The following RASAL2 variants were observed in gnomAD, a reference collection of about 807,000 sequenced individuals.
RASAL2 encodes the protein ras GTPase-activating protein nGAP.
A neutral mutation model predicts 128.9 loss-of-function variants in RASAL2; 58 were observed. That is an observed-to-expected ratio of 0.45 (90% confidence interval 0.36 to 0.56). RASAL2 has a LOEUF of 0.56. Ranked by LOEUF, RASAL2 falls within the 20% of genes least tolerant of loss-of-function variation. The probability of loss-of-function intolerance (pLI) is 0.00; values close to 1 mark genes in which losing one functional copy is unlikely to be tolerated. For missense variants in RASAL2, 1,360 were observed against 1,601.6 expected (o/e 0.85, Z 2.57); for synonymous variants, 561 against 580.8 (o/e 0.97, Z 0.49).
In RASAL2 at chr1:178,458,178, C is replaced by T. The variant is rs1572112167; in HGVS notation, c.2886C>T (p.Phe962=). Residue 962 remains phenylalanine (F), a synonymous_variant, in exon 14 of 18, where the codon TTC becomes TTT. Coordinates refer to ENST00000367649, the MANE Select transcript of RASAL2 (RefSeq NM_170692.4). The stretch of plus-strand genomic sequence containing the variant: ...GAAGCCAAAGTAACAGTGAAGACTT[C>T]AAGCTCAGTGGACCCAGCAATAGCA... The part of the protein sequence containing the change: ...SSRSQSNSED[F]KLSGPSNSSM... 4 of 1,614,238 alleles carry T rather than the reference C, an allele frequency of 2.5e-6. No homozygotes were observed. The highest frequency in any genetic ancestry group is 3.4e-6 in the Non-Finnish European group (4 of 1,180,054).
chr1:178,268,667 C>T (rs1245035875), intron 1 of RASAL2, among the ~76,000 whole-genome samples: 1 of 152,078 alleles, frequency 6.6e-6, no homozygotes, highest in Admixed American at 6.6e-5. Context: ...CTCCTTTGTC[C>T]AGGCTGAACC....
At chr1:178,107,248 A>G (rs1659124480) in intron 1 of RASAL2, among the ~76,000 whole-genome samples, 2 of 152,134 alleles carry the variant, frequency 1.3e-5, no homozygotes, top group South Asian at 4.1e-4. Flanking sequence ...TGAAGTTCAC[A>G]TTTACTGTTT....
chr1:178,407,843 C>T (rs1294864630), intron 4 of RASAL2, among the ~76,000 whole-genome samples: 3 of 152,228 alleles, frequency 2.0e-5, no homozygotes, highest in African/African-American at 7.2e-5. Flanking sequence ...ATTACCCCCA[C>T]GGAGGCTTCT....
rs1648851279 is a variant in RASAL2, at chr1:178,478,791, C to T, written c.*5552C>T. ...TCTTGTACATGTACAGATATAGATA[C>T]GTTTGAGGTCTTTTATTGATATTCC... On this transcript the variant is annotated 3_prime_UTR_variant, in exon 18 of 18. Transcript: ENST00000367649. The T allele has an allele frequency of 6.6e-6, 1 of 152,084 alleles. No homozygotes were observed. The highest frequency in any genetic ancestry group is 1.5e-5 in the Non-Finnish European group (1 of 68,000). 9.4% of individuals were successfully genotyped at this position (152,084 alleles called of 1,614,324 possible).
rs1648501030 is a variant in RASAL2 at position 178,473,936 on chromosome 1, G to C, written c.*697G>C. The C allele has an allele frequency of 6.6e-6, 1 of 152,322 alleles. No homozygotes were observed. The highest frequency in any genetic ancestry group is 2.4e-5 in the African/African-American group (1 of 41,444). 9.4% of individuals were successfully genotyped at this position (152,322 alleles called of 1,614,324 possible). A position where few individuals can be genotyped will look rare whatever the true frequency, so the allele number is the denominator to read the frequency against. On this transcript the variant is annotated 3_prime_UTR_variant, in exon 18 of 18. Transcript: ENST00000367649. The stretch of plus-strand genomic sequence containing the variant: ...TAGGAGTAATTTCTATTGAACTCCT[G>C]TCAATATGTTTATTTCCTCTGTCTA...
At chr1:178,445,762 T>G in intron 9 of RASAL2, 100 bp downstream of exon 9, 1 of 1,251,260 alleles carries the variant, frequency 8.0e-7, no homozygotes, top group Non-Finnish European at 1.1e-6. Flanking sequence ...GCATGTTATT[T>G]AGTTCTAGCT....
intron 1 of RASAL2, among the ~76,000 whole-genome samples, chr1:178,125,931 G>C (rs1253566013): frequency 6.6e-6 from 1 of 152,168 alleles, no homozygotes; most frequent in Non-Finnish European, 1.5e-5. Flanking sequence ...GCAGATACTT[G>C]GACACCTACC....
At chr1:178,309,263 TG>T (rs2102296965) in intron 3 of RASAL2, among the ~76,000 whole-genome samples, 1 of 152,266 alleles carries the variant, frequency 6.6e-6, no homozygotes, top group East Asian at 1.9e-4. Flanking sequence ...TAAAATGTCA[TG>T]TCTTATTCCT....
chr1:178,427,940 A>G (rs1456765637), intron 5 of RASAL2, among the ~76,000 whole-genome samples: 1 of 152,030 alleles, frequency 6.6e-6, no homozygotes, highest in Non-Finnish European at 1.5e-5. Context: ...CACACCTATC[A>G]CATCCCTTAA....
Position 178,442,837 on chromosome 1 carries a change from T to G in RASAL2, c.1090T>G (p.Phe364Val). Reference sequence around the variant, plus strand: ...AGACAATATTTTCTGGGGCGAACATTTTGAATTCTTCAGCCTTCCACCTCT... The same window carrying G: ...AGACAATATTTTCTGGGGCGAACATGTTGAATTCTTCAGCCTTCCACCTCT... ...KADNIFWGEH[F>V]EFFSLPPLHS... The change falls in exon 8 of 18, where the codon TTT becomes GTT. Residue 364 changes from phenylalanine (F) to valine (V), a missense_variant. Phe to Val is a conservative substitution (Grantham distance 50). Around this residue, in one of 3 missense-constraint regions of RASAL2, gnomAD observed 617 missense variants for 714.2 expected, o/e 0.86. Coordinates refer to ENST00000367649, the MANE Select transcript of RASAL2 (RefSeq NM_170692.4). 6.2e-7 allele frequency: 1 copy of G among 1,614,006 alleles called. No homozygotes were observed. Among genetic ancestry groups the G allele is most frequent in the Non-Finnish European group, 8.5e-7 (1 of 1,179,958 alleles).
At chr1:178,301,437 C>CTT (rs896455309) in intron 3 of RASAL2, among the ~76,000 whole-genome samples, 1 of 147,604 alleles carries the variant, frequency 6.8e-6, no homozygotes, top group Non-Finnish European at 1.5e-5. Context: ...TGTTGTCTCT[C>CTT]TTTTTTTTTT....
intron 1 of RASAL2, among the ~76,000 whole-genome samples, chr1:178,190,816 G>A (rs1449938438): frequency 2.6e-5 from 4 of 151,666 alleles, no homozygotes; most frequent in African/African-American, 4.8e-5. Context: ...AGGTTTTTAG[G>A]TGGTGAAGAC....
chr1:178,331,550 A>G (rs567570633), intron 3 of RASAL2, among the ~76,000 whole-genome samples: 8 of 151,322 alleles, frequency 5.3e-5, no homozygotes, highest in Admixed American at 4.6e-4. Flanking sequence ...TGAGTGAAAT[A>G]ATCATGTTTC....
chr1:178,252,462 A>G (rs1282826678), intron 1 of RASAL2, among the ~76,000 whole-genome samples: 1 of 152,116 alleles, frequency 6.6e-6, no homozygotes, highest in Admixed American at 6.5e-5. Flanking sequence ...TTGTATGGAG[A>G]TTAGAAAATA....
At chr1:178,117,939 T>C (rs1420331664) in intron 1 of RASAL2, among the ~76,000 whole-genome samples, 1 of 151,970 alleles carries the variant, frequency 6.6e-6, no homozygotes. Context: ...CCAAGATGGG[T>C]GGATCACCTG....
intron 1 of RASAL2, among the ~76,000 whole-genome samples, chr1:178,113,204 G>T (rs1394746458): frequency 6.6e-6 from 1 of 151,554 alleles, no homozygotes; most frequent in Non-Finnish European, 1.5e-5. Flanking sequence ...TCGGTCTGTT[G>T]TCTATCTTGA....
chr1:178,114,764 C>T (rs113350891), intron 1 of RASAL2, among the ~76,000 whole-genome samples: 2,179 of 152,260 alleles, frequency 0.014, 53 homozygotes, highest in African/African-American at 0.049. Context: ...CCTCGTGATC[C>T]GCCCGCCTTG....
At chr1:178,377,060 G>A (rs1465368184) in intron 3 of RASAL2, among the ~76,000 whole-genome samples, 3 of 151,994 alleles carry the variant, frequency 2.0e-5, no homozygotes, top group Non-Finnish European at 2.9e-5. Flanking sequence ...TTTCTAAATG[G>A]AATTTAAATG....
intron 1 of RASAL2, among the ~76,000 whole-genome samples, chr1:178,272,687 G>A (rs1666316441): frequency 6.6e-6 from 1 of 152,022 alleles, no homozygotes; most frequent in South Asian, 2.1e-4. Flanking sequence ...TAGCACTTTG[G>A]GAGACCAAGA....
Sources: gnomAD v4.1 joint callset for allele counts (sites outside exome capture counted in the v4.1 genomes callset) on GRCh38, gnomAD v4.1.1 for gene constraint, gnomAD v4.1.1 regional missense constraint, MANE v1.5 for transcripts, NCBI Gene and HGNC (gene_info 2026-07-23, HGNC 2026-07-21) for gene names.